The following NCAPG variants were observed in gnomAD, a reference collection of about 807,000 sequenced individuals.
The protein encoded by NCAPG is condensin complex subunit 3.
NCAPG carries 69 observed loss-of-function variants against 113.1 expected under a neutral mutation model. The observed-to-expected ratio is 0.61, with a 90% CI of 0.50 to 0.75. The LOEUF (loss-of-function observed/expected upper bound fraction) is 0.75. Ranked by LOEUF, NCAPG falls within the 30% of genes least tolerant of loss-of-function variation. The pLI, the probability that NCAPG is intolerant of heterozygous loss-of-function variation, is 0.00. For synonymous variants in NCAPG, 370 were observed against 415.8 expected (o/e 0.89, Z 1.34); for missense variants, 1,058 against 1,177.0 (o/e 0.90, Z 1.48).
chr4:17,831,570 G>A, intron 13 of NCAPG, among the ~76,000 whole-genome samples: 1 of 152,134 alleles, frequency 6.6e-6, no homozygotes, highest in East Asian at 1.9e-4. Context: ...GTTTGGTTGA[G>A]AAAGACCTCA....
Position 17,812,963 on chromosome 4 carries a change from T to C in NCAPG, c.362T>C (p.Leu121Pro). 2 of 1,614,036 alleles carry C rather than the reference T, an allele frequency of 1.2e-6. No individual in the cohort carries two copies. The highest frequency in any genetic ancestry group is 1.7e-6 in the Non-Finnish European group (2 of 1,179,958). The part of the protein sequence containing the change: ...SNAVRFRVCL[L>P]INKLLGSMPE... ...GCAGTGAGATTTAGAGTGTGCCTGC[T>C]CATAAACAAGCTTTTGGGAAGTATG... Residue 121 changes from leucine to proline, a missense_variant, in exon 3 of 21, where the codon CTC becomes CCC. By Grantham distance (98) the Leu-to-Pro change is moderately conservative. Transcript: ENST00000251496.
chr4:17,830,553 C>CTTTTTTTT (rs770223582), intron 12 of NCAPG, among the ~76,000 whole-genome samples: 5 of 137,308 alleles, frequency 3.6e-5, no homozygotes, highest in Admixed American at 7.3e-5. Context: ...ACTAGTTTCA[C>CTTTTTTTT]TTTTTTTTTT....
rs1560239227 is a variant in NCAPG at position 17,843,951 on chromosome 4, CTTA to C, written c.*529_*531del. ...TCAACAACAGTTATTTTGACAAAAA[CTTA>C]TTTTGTGATTCCTACAGTGAAAACA... On this transcript the variant is annotated 3_prime_UTR_variant, in exon 21 of 21. Transcript: ENST00000251496. 1 of 151,970 alleles carries C rather than the reference CTTA, an allele frequency of 6.6e-6. No homozygotes were observed. The highest frequency in any genetic ancestry group is 2.4e-5 in the African/African-American group (1 of 41,408). The allele number at this position is 151,970 out of a possible 1,614,324, so 9.4% of individuals were successfully genotyped here.
At position 17,812,311 on chromosome 4, in the gene NCAPG, G is replaced by T. The variant is rs1338788210; in HGVS notation, c.202G>T (p.Val68Leu). 1.9e-6 allele frequency: 3 copies of T among 1,613,592 alleles called. No homozygotes were observed. In the African/African-American group the frequency reaches 4.0e-5, roughly 22 times the overall value. The change falls in exon 2 of 21, where the codon GTA becomes TTA. Residue 68 changes from valine to leucine, a missense_variant. Val to Leu is a conservative substitution (Grantham distance 32, BLOSUM62 1). Transcript: ENST00000251496. Reference sequence around the variant, plus strand: ...TAAACGTGAACCAGCTGTGGAGAGGGTAATAGAATTTGCAGCAAAGTTTGT... The same window carrying T: ...TAAACGTGAACCAGCTGTGGAGAGGTTAATAGAATTTGCAGCAAAGTTTGT... ...VYKREPAVER[V>L]IEFAAKFVTS...
chr4:17,828,948 A>T (rs981755080), intron 12 of NCAPG, among the ~76,000 whole-genome samples: 49 of 143,226 alleles, frequency 3.4e-4, no homozygotes, highest in Middle Eastern at 3.5e-3. Flanking sequence ...CCACTGTTTT[A>T]AAAAAAAAAA....
intron 14 of NCAPG, among the ~76,000 whole-genome samples, chr4:17,836,197 A>G (rs1461029127): frequency 6.6e-6 from 1 of 152,066 alleles, no homozygotes; most frequent in Non-Finnish European, 1.5e-5. Context: ...TTTGATTTGC[A>G]TTTCCTTAAT....
chr4:17,812,937 T>G lies in NCAPG; in HGVS notation c.336T>G (p.Asn112Lys). ...FLLKSHEANSNAVRFRVCLLI... is the reference protein window; with the variant it reads ...FLLKSHEANSKAVRFRVCLLI... The stretch of plus-strand genomic sequence containing the variant: ...TTTAGTCTCATGAAGCAAACAGCAA[T>G]GCAGTGAGATTTAGAGTGTGCCTGC... Residue 112 changes from asparagine (N) to lysine (K), a missense_variant, in exon 3 of 21, where the codon AAT becomes AAG. Coordinates refer to ENST00000251496, the MANE Select transcript of NCAPG (RefSeq NM_022346.5). The G allele has an allele frequency of 6.2e-7, 1 of 1,614,006 alleles. No individual in the cohort carries two copies. Among genetic ancestry groups the G allele is most frequent in the Non-Finnish European group, 8.5e-7 (1 of 1,179,910 alleles).
Position 17,812,942 on chromosome 4 carries a change from T to G in NCAPG, c.341T>G (p.Val114Gly). The G allele has an allele frequency of 2.5e-6, 4 of 1,613,806 alleles. No individual in the cohort carries two copies. Among genetic ancestry groups the G allele is most frequent in the Non-Finnish European group, 3.4e-6 (4 of 1,179,738 alleles). ...TCTCATGAAGCAAACAGCAATGCAG[T>G]GAGATTTAGAGTGTGCCTGCTCATA... ...LKSHEANSNA[V>G]RFRVCLLINK... The change falls in exon 3 of 21, where the codon GTG (valine) becomes GGG (glycine). Residue 114 changes from valine (V) to glycine (G), a missense_variant. Physicochemically the swap from Val to Gly is moderately radical, Grantham distance 109. Coordinates refer to ENST00000251496, the MANE Select transcript of NCAPG (RefSeq NM_022346.5).
intron 20 of NCAPG, 90 bp downstream of exon 20, chr4:17,842,469 G>T: frequency 1.0e-6 from 1 of 1,001,748 alleles, no homozygotes; most frequent in East Asian, 2.6e-5. Flanking sequence ...GCGAATGAGA[G>T]AGAATATATA....
chr4:17,819,692 G>A (rs752345651), intron 7 of NCAPG, among the ~76,000 whole-genome samples: 15 of 152,138 alleles, frequency 9.9e-5, no homozygotes, highest in Admixed American at 2.6e-4. Context: ...GAGCCACAGC[G>A]CCCAGCCTGA....
intron 8 of NCAPG, among the ~76,000 whole-genome samples, chr4:17,823,439 T>G (rs1423323730): frequency 2.0e-5 from 3 of 152,102 alleles, no homozygotes; most frequent in Admixed American, 2.0e-4. Context: ...TTATTAAAAA[T>G]CATAGGGTGT....
At chr4:17,815,698 T>A (rs890515939) in intron 5 of NCAPG, among the ~76,000 whole-genome samples, 1 of 152,136 alleles carries the variant, frequency 6.6e-6, no homozygotes, top group African/African-American at 2.4e-5. Context: ...TTAATTTTTA[T>A]ATTTTTATAG....
intron 12 of NCAPG, among the ~76,000 whole-genome samples, chr4:17,829,178 C>T (rs749686128): frequency 2.2e-4 from 34 of 152,106 alleles, no homozygotes; most frequent in Admixed American, 6.6e-4. Context: ...AGTATTAGTG[C>T]GCTGTTTTGT....
At chr4:17,843,141 GT>G in intron 20 of NCAPG, 160 bp from the exon 21 acceptor site, 5 of 698,006 alleles carry the variant, frequency 7.2e-6, no homozygotes, top group Non-Finnish European at 9.1e-6. Flanking sequence ...CCAAGTCAGT[GT>G]TTTTTTGACA....
rs781603235 is a variant in NCAPG at position 17,837,627 on chromosome 4, G to T, written c.2292G>T (p.Arg764Ser). 1 of 1,611,678 alleles carries T rather than the reference G, an allele frequency of 6.2e-7. No individual in the cohort carries two copies. The highest frequency in any genetic ancestry group is 8.5e-7 in the Non-Finnish European group (1 of 1,179,210). ...ATACTTTGAATTTGTTTCTCAATAGGACTAATCAGGAATGCTTTGAAGAAG... is the reference window on the plus strand; with the variant it reads ...ATACTTTGAATTTGTTTCTCAATAGTACTAATCAGGAATGCTTTGAAGAAG... The part of the protein sequence containing the change: ...VFFPVFAYAS[R>S]TNQECFEEAF... Residue 764 changes from arginine (R) to serine (S), a missense_variant and splice_region_variant, in exon 16 of 21, where the codon AGG (arginine) becomes AGT (serine). Coordinates refer to ENST00000251496, the MANE Select transcript of NCAPG (RefSeq NM_022346.5).
chr4:17,839,320 A>T (rs1722232948), intron 16 of NCAPG, among the ~76,000 whole-genome samples: 1 of 152,174 alleles, frequency 6.6e-6, no homozygotes, highest in Non-Finnish European at 1.5e-5. Flanking sequence ...TTGGATTTGG[A>T]CAAATCTTTG....
intron 18 of NCAPG, 39 bp downstream of exon 18, chr4:17,840,248 T>G (rs1421170496): frequency 1.4e-6 from 2 of 1,452,100 alleles, no homozygotes; most frequent in African/African-American, 1.5e-5. Context: ...AAGGTTCTGT[T>G]TTTTTTTTTC....
chr4:17,812,641 C>G (rs2109041585), intron 2 of NCAPG, among the ~76,000 whole-genome samples: 1 of 152,268 alleles, frequency 6.6e-6, no homozygotes, highest in African/African-American at 2.4e-5. Flanking sequence ...TAAACCAGTT[C>G]TCCTTTGTTT....
chr4:17,816,515 C>T (rs150703449), intron 5 of NCAPG, among the ~76,000 whole-genome samples: 4 of 152,266 alleles, frequency 2.6e-5, no homozygotes, highest in Non-Finnish European at 4.4e-5. Context: ...GTGAGAAAAC[C>T]GACTTGCGTT....
Sources: gnomAD v4.1 joint callset for allele counts (sites outside exome capture counted in the v4.1 genomes callset) on GRCh38, gnomAD v4.1.1 for gene constraint, MANE v1.5 for transcripts, NCBI Gene and HGNC (gene_info 2026-07-23, HGNC 2026-07-21) for gene names.